The following PRKN variants were observed in gnomAD, a reference collection of about 807,000 sequenced individuals.
PRKN encodes the protein parkin RBR E3 ubiquitin protein ligase, also known as E3 ubiquitin-protein ligase parkin.
In PRKN, 56 loss-of-function variants were observed where a neutral mutation model predicts 59.5. The observed-to-expected ratio is 0.94, with a 90% CI of 0.76 to 1.18. PRKN has a LOEUF of 1.18. PRKN is among the 50% of genes most tolerant of loss of function. The probability of loss-of-function intolerance (pLI) is 0.00; values close to 1 mark genes in which losing one functional copy is unlikely to be tolerated. For synonymous variants in PRKN, 250 were observed against 222.1 expected, an observed-to-expected ratio of 1.13 and a Z score of -1.12; for missense variants, 657 against 596.4, an observed-to-expected ratio of 1.10 and a Z score of -1.06.
At chr6:162,200,767 A>C (rs922094555) in intron 4 of PRKN, among the ~76,000 whole-genome samples, 1 of 152,178 alleles carries the variant, frequency 6.6e-6, no homozygotes, top group African/African-American at 2.4e-5. Context: ...TGCTACCATC[A>C]CACAGATCAA....
Position 161,370,591 on chromosome 6 carries a change from C to CAAAAAAAAAAAA in PRKN, c.1168-10398_1168-10387dup, listed in dbSNP as rs560655971. On this transcript the variant is annotated intron_variant, in intron 10 of 11. Transcript: ENST00000366898. ...TGGGCGACAGAGCAAGACTCTGTGT[C>CAAAAAAAAAAAA]AAAAAAAAAAAAAAAAAAAAGCCGA... Among the ~76,000 whole-genome samples, 253 of 57,804 alleles carry CAAAAAAAAAAAA rather than the reference C, an allele frequency of 4.4e-3. 33 individuals are homozygous for CAAAAAAAAAAAA. The highest frequency in any genetic ancestry group is 0.018 in the African/African-American group (216 of 11,766). The allele number at this position is 57,804 out of a possible 152,430, so 37.9% of individuals were successfully genotyped here. A position where few individuals can be genotyped will look rare whatever the true frequency, so the allele number is the denominator to read the frequency against.
chr6:161,364,602 T>G (rs1183442811), intron 10 of PRKN, among the ~76,000 whole-genome samples: 1 of 145,744 alleles, frequency 6.9e-6, no homozygotes, highest in Non-Finnish European at 1.5e-5. Flanking sequence ...TCACAGGAAA[T>G]ACTGATTGTC....
intron 6 of PRKN, among the ~76,000 whole-genome samples, chr6:161,874,982 T>TATATACTTTA (rs1275483166): frequency 4.9e-5 from 4 of 81,906 alleles, no homozygotes; most frequent in African/African-American, 2.5e-4. Flanking sequence ...TTTATTATAT[T>TATATACTTTA]ATATACTTTA....
intron 7 of PRKN, among the ~76,000 whole-genome samples, chr6:161,601,679 T>C (rs1782110421): frequency 6.6e-6 from 1 of 151,224 alleles, no homozygotes; most frequent in East Asian, 2.0e-4. Context: ...GCCTCCCAGG[T>C]TCACGCCATT....
chr6:162,320,894 A>AAT (rs1432366835), intron 2 of PRKN, among the ~76,000 whole-genome samples: 36 of 150,484 alleles, frequency 2.4e-4, no homozygotes, highest in South Asian at 6.2e-4. Flanking sequence ...CAGCTAAAGC[A>AAT]ATATGCAAAG....
intron 9 of PRKN, among the ~76,000 whole-genome samples, chr6:161,542,353 C>A (rs770245605): frequency 6.6e-6 from 1 of 152,206 alleles, no homozygotes; most frequent in Non-Finnish European, 1.5e-5. Context: ...CCCCGTAGCT[C>A]ATCAAAGATC....
At chr6:162,488,911 T>C (rs761408109) in intron 1 of PRKN, among the ~76,000 whole-genome samples, 29 of 152,098 alleles carry the variant, frequency 1.9e-4, no homozygotes, top group Non-Finnish European at 3.8e-4. Flanking sequence ...ATTAGAACTC[T>C]GATAGGTGAT....
intron 6 of PRKN, among the ~76,000 whole-genome samples, chr6:161,929,052 G>T (rs1463030681): frequency 6.6e-6 from 1 of 151,918 alleles, no homozygotes; most frequent in Non-Finnish European, 1.5e-5. Context: ...ACGATACCCA[G>T]AAGGTGGAGG....
At chr6:162,698,783 A>C (rs574078089) in intron 1 of PRKN, among the ~76,000 whole-genome samples, 1 of 152,246 alleles carries the variant, frequency 6.6e-6, no homozygotes, top group Admixed American at 6.5e-5. Context: ...TTTTGGAGGG[A>C]CATGCATTCC....
At chr6:162,624,833 CAAG>C (rs1782820411) in intron 1 of PRKN, among the ~76,000 whole-genome samples, 1 of 152,132 alleles carries the variant, frequency 6.6e-6, no homozygotes, top group South Asian at 2.1e-4. Flanking sequence ...GACAGATTTT[CAAG>C]AAGAGAACAC....
intron 1 of PRKN, among the ~76,000 whole-genome samples, chr6:162,474,287 C>T (rs1304294802): frequency 6.6e-6 from 1 of 152,158 alleles, no homozygotes; most frequent in Non-Finnish European, 1.5e-5. Flanking sequence ...ATTGCAAATA[C>T]CCAACTTCTA....
chr6:161,962,955 G>A lies in PRKN; in HGVS notation c.734+10347C>T, dbSNP rs1016858996. 3.9e-5 allele frequency among the ~76,000 whole-genome samples: 6 copies of A among 151,924 alleles called. 1 individual carries two copies. In the South Asian group the frequency reaches 6.2e-4, roughly 16 times the overall value. On this transcript the variant is annotated intron_variant, in intron 6 of 11. Transcript: ENST00000366898. ...AGGTCAGGAGTTCGAGACAAGACTGGCCAACATGGCGAAACCCCGTCTCTA... is the reference window on the plus strand; with the variant it reads ...AGGTCAGGAGTTCGAGACAAGACTGACCAACATGGCGAAACCCCGTCTCTA...
At chr6:161,707,667 G>A (rs1786562920) in intron 7 of PRKN, among the ~76,000 whole-genome samples, 1 of 152,158 alleles carries the variant, frequency 6.6e-6, no homozygotes, top group Admixed American at 6.5e-5. Context: ...TTTGGGATAT[G>A]CTTCAACTAT....
chr6:161,896,520 G>A (rs1055646472), intron 6 of PRKN, among the ~76,000 whole-genome samples: 7 of 152,162 alleles, frequency 4.6e-5, no homozygotes, highest in African/African-American at 1.2e-4. Context: ...CTCAGTCAAC[G>A]CCATATAGAG....
chr6:161,874,786 A>AAG (rs369524378), intron 6 of PRKN, among the ~76,000 whole-genome samples: 6 of 48,178 alleles, frequency 1.2e-4, no homozygotes, highest in Admixed American at 5.0e-4. Flanking sequence ...TAAAATGTAT[A>AAG]ATAAATAAAA....
chr6:161,540,814 G>A (rs1488689320), intron 9 of PRKN, among the ~76,000 whole-genome samples: 1 of 152,174 alleles, frequency 6.6e-6, no homozygotes, highest in Non-Finnish European at 1.5e-5. Context: ...CTATAGGAAA[G>A]AAATTGGTTT....
intron 5 of PRKN, among the ~76,000 whole-genome samples, chr6:162,042,420 T>C (rs922805629): frequency 6.6e-5 from 10 of 151,580 alleles, no homozygotes; most frequent in Middle Eastern, 6.8e-3. Flanking sequence ...GCCTCCCAAA[T>C]AGCTGAGATT....
chr6:161,874,778 A>C (rs796389387), intron 6 of PRKN, among the ~76,000 whole-genome samples: 1 of 120,920 alleles, frequency 8.3e-6, no homozygotes, highest in African/African-American at 3.4e-5. Context: ...ATAATATATA[A>C]AATGTATAAT....
At chr6:161,678,568 A>AT (rs201640028) in intron 7 of PRKN, among the ~76,000 whole-genome samples, 6,276 of 121,316 alleles carry the variant, frequency 0.052, 337 homozygotes, top group African/African-American at 0.072. Context: ...TTGGTGCCTG[A>AT]TTTTTTTTTT....
Sources: gnomAD v4.1 joint callset for allele counts (sites outside exome capture counted in the v4.1 genomes callset) on GRCh38, gnomAD v4.1.1 for gene constraint, MANE v1.5 for transcripts, NCBI Gene and HGNC (gene_info 2026-07-23, HGNC 2026-07-21) for gene names.